Variants in ZNF385D observed in about 807,000 individuals in gnomAD.
ZNF385D encodes the protein zinc finger protein 659.
A neutral mutation model predicts 35.8 loss-of-function variants in ZNF385D; 15 were observed. That is an observed-to-expected ratio of 0.42 (90% CI 0.28 to 0.64). The LOEUF (loss-of-function observed/expected upper bound fraction) is 0.64, where lower values mean the gene tolerates loss of function less well. ZNF385D is among the 30% of genes least tolerant of loss of function. ZNF385D has a pLI of 0.23. For synonymous variants in ZNF385D, 212 were observed against 186.8 expected, an observed-to-expected ratio of 1.13 and a Z score of -1.10; for missense variants, 474 against 494.6, an observed-to-expected ratio of 0.96 and a Z score of 0.39.
intron 2 of ZNF385D, among the ~76,000 whole-genome samples, chr3:22,364,622 AT>A (rs1236806285): frequency 1.3e-5 from 2 of 152,146 alleles, no homozygotes; most frequent in African/African-American, 4.8e-5. Flanking sequence ...ATGTGGAAAA[AT>A]TAGAAAACTT....
At chr3:22,275,378 T>C (rs1701375834) in intron 2 of ZNF385D, among the ~76,000 whole-genome samples, 1 of 152,112 alleles carries the variant, frequency 6.6e-6, no homozygotes, top group Admixed American at 6.6e-5. Flanking sequence ...TGAGAACAGT[T>C]GATTGCTGTA....
At chr3:21,870,037 C>A (rs553944277) in intron 3 of ZNF385D, among the ~76,000 whole-genome samples, 291 of 152,002 alleles carry the variant, frequency 1.9e-3, no homozygotes, top group Admixed American at 2.7e-3. Context: ...CTCAAATCTG[C>A]AAAATCCTCA....
intron 4 of ZNF385D, among the ~76,000 whole-genome samples, chr3:21,507,173 T>C (rs1164149050): frequency 2.0e-5 from 3 of 151,784 alleles, no homozygotes; most frequent in Non-Finnish European, 4.4e-5. Flanking sequence ...ATTTAGTTTC[T>C]GTGAGTATTC....
At chr3:22,221,878 AGAGT>A (rs1159423005) in intron 2 of ZNF385D, among the ~76,000 whole-genome samples, 1 of 152,200 alleles carries the variant, frequency 6.6e-6, no homozygotes, top group Non-Finnish European at 1.5e-5. Flanking sequence ...TTTCTATGAC[AGAGT>A]AGCAGATGTG....
At chr3:21,690,240 CAT>C (rs2067238294) in intron 1 of ZNF385D, among the ~76,000 whole-genome samples, 1 of 151,836 alleles carries the variant, frequency 6.6e-6, no homozygotes, top group Non-Finnish European at 1.5e-5. Context: ...TACACACACA[CAT>C]ATTCATATAC....
intron 2 of ZNF385D, among the ~76,000 whole-genome samples, chr3:22,246,210 T>C (rs1341017540): frequency 6.6e-6 from 1 of 152,176 alleles, no homozygotes; most frequent in Non-Finnish European, 1.5e-5. Flanking sequence ...TAACTGTCTT[T>C]CTCCAGAATA....
chr3:21,888,846 G>C (rs1193324993), intron 3 of ZNF385D, among the ~76,000 whole-genome samples: 2 of 152,238 alleles, frequency 1.3e-5, no homozygotes, highest in East Asian at 3.8e-4. Flanking sequence ...TGACGGCAGA[G>C]GGCCAAGTCT....
intron 2 of ZNF385D, among the ~76,000 whole-genome samples, chr3:22,305,442 G>A (rs937123300): frequency 2.0e-5 from 3 of 152,162 alleles, no homozygotes; most frequent in Admixed American, 2.0e-4. Flanking sequence ...AATCTCAGTG[G>A]CTTAAAGCAG....
chr3:22,330,317 G>T (rs1051881678), intron 2 of ZNF385D, among the ~76,000 whole-genome samples: 3 of 151,954 alleles, frequency 2.0e-5, no homozygotes, highest in Non-Finnish European at 4.4e-5. Flanking sequence ...TTTATCCAGG[G>T]TAAATTCATG....
At chr3:21,871,332 C>T (rs1697681324) in intron 3 of ZNF385D, among the ~76,000 whole-genome samples, 2 of 152,114 alleles carry the variant, frequency 1.3e-5, no homozygotes, top group South Asian at 4.1e-4. Context: ...TCCATGCAGA[C>T]ACTCCTATCA....
At chr3:21,706,116 GT>G (rs1158570090) in intron 1 of ZNF385D, among the ~76,000 whole-genome samples, 1 of 152,164 alleles carries the variant, frequency 6.6e-6, no homozygotes, top group Non-Finnish European at 1.5e-5. Flanking sequence ...TTACTCATTG[GT>G]TACAGGACTA....
intron 2 of ZNF385D, among the ~76,000 whole-genome samples, chr3:21,603,269 T>C (rs2064372259): frequency 6.6e-6 from 1 of 152,248 alleles, no homozygotes. Flanking sequence ...GCTCTCCTTA[T>C]ATAATGCTGG....
At chr3:22,091,800 T>C (rs1421377611) in intron 3 of ZNF385D, among the ~76,000 whole-genome samples, 1 of 152,246 alleles carries the variant, frequency 6.6e-6, no homozygotes, top group Admixed American at 6.5e-5. Context: ...TTTATTTGTA[T>C]ACCTAAACAT....
intron 3 of ZNF385D, among the ~76,000 whole-genome samples, chr3:21,555,460 AGT>A (rs1223093853): frequency 6.6e-6 from 1 of 151,896 alleles, no homozygotes; most frequent in East Asian, 1.9e-4. Flanking sequence ...GAGAACATGC[AGT>A]GTGTGGTTTT....
chr3:21,721,057 G>A (rs1055759247), intron 1 of ZNF385D, among the ~76,000 whole-genome samples: 3 of 151,912 alleles, frequency 2.0e-5, no homozygotes, highest in Admixed American at 6.6e-5. Context: ...AAAGAAAGTT[G>A]TAACAGGTTT....
intron 2 of ZNF385D, among the ~76,000 whole-genome samples, chr3:22,342,797 G>A (rs1695484494): frequency 6.6e-6 from 1 of 152,164 alleles, no homozygotes. Context: ...TTATAATTAA[G>A]TCATGTGCCC....
At chr3:21,529,121 TCTTA>T (rs1575112385) in intron 3 of ZNF385D, among the ~76,000 whole-genome samples, 1 of 152,282 alleles carries the variant, frequency 6.6e-6, no homozygotes, top group East Asian at 1.9e-4. Context: ...TTTTGTCAGT[TCTTA>T]CTAAGTCAAT....
chr3:22,225,888 T>A (rs1467131549), intron 2 of ZNF385D, among the ~76,000 whole-genome samples: 1 of 152,184 alleles, frequency 6.6e-6, no homozygotes, highest in South Asian at 2.1e-4. Context: ...CTACATTCAG[T>A]GTGTTTAGTT....
intron 3 of ZNF385D, among the ~76,000 whole-genome samples, chr3:22,082,101 C>A (rs544235425): frequency 6.7e-6 from 1 of 149,316 alleles, no homozygotes. Context: ...TGTCTGAATA[C>A]GAACAGCTCT....
Sources: gnomAD v4.1 joint callset for allele counts (sites outside exome capture counted in the v4.1 genomes callset) on GRCh38, gnomAD v4.1.1 for gene constraint, MANE v1.5 for transcripts, NCBI Gene and HGNC (gene_info 2026-07-23, HGNC 2026-07-21) for gene names.